TUSC3: variants seen among roughly 807,000 people sequenced by gnomAD.
TUSC3 encodes tumor suppressor candidate 3.
In TUSC3, 45 loss-of-function variants were observed where a neutral mutation model predicts 44.8. That is an observed-to-expected ratio of 1.00 (90% CI 0.79 to 1.29). The LOEUF is 1.29. TUSC3 is among the 50% of genes most tolerant of loss of function. The probability of loss-of-function intolerance (pLI) is 0.00; values close to 1 mark genes in which losing one functional copy is unlikely to be tolerated. For synonymous variants in TUSC3, 212 were observed against 152.9 expected (o/e 1.39, Z -2.85); for missense variants, 519 against 437.9 (o/e 1.19, Z -1.65).
chr8:15,806,210 A>G, the TUSC3 span: 4 of 513,350 alleles, frequency 7.8e-6, no homozygotes, highest in Admixed American at 1.1e-4. Context: ...TCCGTCTTTT[A>G]TAAATGGCTT....
At chr8:15,605,763 G>A (rs1434990098) in intron 1 of TUSC3, among the ~76,000 whole-genome samples, 1 of 151,938 alleles carries the variant, frequency 6.6e-6, no homozygotes, top group African/African-American at 2.4e-5. Flanking sequence ...AATCACACAT[G>A]ACACCACTTG....
intron 2 of TUSC3, among the ~76,000 whole-genome samples, chr8:15,515,140 G>A (rs550344435): frequency 6.6e-6 from 1 of 152,086 alleles, no homozygotes; most frequent in African/African-American, 2.4e-5. Context: ...ATCAGAAAAT[G>A]GGAGTCTTCT....
At chr8:15,503,772 G>T (rs1266475464) in intron 2 of TUSC3, among the ~76,000 whole-genome samples, 2 of 152,028 alleles carry the variant, frequency 1.3e-5, no homozygotes, top group African/African-American at 4.8e-5. Context: ...GGATCCTGAG[G>T]CGGGTGAATC....
chr8:15,594,990 C>T (rs546259477), intron 1 of TUSC3, among the ~76,000 whole-genome samples: 35 of 152,160 alleles, frequency 2.3e-4, no homozygotes, highest in Admixed American at 1.1e-3. Flanking sequence ...TTTTATACTT[C>T]GGGGCAATAT....
chr8:15,767,746 G>T (rs974496554), downstream of TUSC3, among the ~76,000 whole-genome samples: 2 of 152,098 alleles, frequency 1.3e-5, no homozygotes, highest in South Asian at 4.1e-4. Context: ...TAACTCAGAA[G>T]TCTCTCAGGT....
chr8:15,793,143 G>A, the TUSC3 span, among the ~76,000 whole-genome samples: 1 of 152,036 alleles, frequency 6.6e-6, no homozygotes, highest in Non-Finnish European at 1.5e-5. Context: ...GCACTAGATT[G>A]TTTGCTCTGT....
chr8:15,821,319 A>G, the TUSC3 span, among the ~76,000 whole-genome samples: 5 of 143,846 alleles, frequency 3.5e-5, no homozygotes, highest in Non-Finnish European at 3.0e-5. Context: ...AGATTATTTT[A>G]TCTCTGGATT....
the TUSC3 span, among the ~76,000 whole-genome samples, chr8:15,839,333 A>G: frequency 2.6e-5 from 4 of 152,096 alleles, no homozygotes; most frequent in African/African-American, 9.7e-5. Context: ...CTCTTTTCCT[A>G]ATGGAATACC....
chr8:15,716,820 T>TC, intron 6 of TUSC3, among the ~76,000 whole-genome samples: 1 of 152,244 alleles, frequency 6.6e-6, no homozygotes, highest in South Asian at 2.1e-4. Flanking sequence ...CATCACTTTT[T>TC]CTCTACTATT....
At chr8:15,622,302 T>C (rs1805285485) in intron 1 of TUSC3, among the ~76,000 whole-genome samples, 4 of 152,044 alleles carry the variant, frequency 2.6e-5, no homozygotes. Context: ...CCTTCCTTTC[T>C]TTCTTTTTTT....
chr8:15,578,757 G>C (rs557792905), intron 1 of TUSC3, among the ~76,000 whole-genome samples: 1 of 152,206 alleles, frequency 6.6e-6, no homozygotes, highest in Admixed American at 6.5e-5. Flanking sequence ...GTTCATCAAG[G>C]ATATTGGTCT....
intron 1 of TUSC3, among the ~76,000 whole-genome samples, chr8:15,599,201 T>C (rs1296703284): frequency 6.6e-6 from 1 of 151,928 alleles, no homozygotes; most frequent in Non-Finnish European, 1.5e-5. Flanking sequence ...GATCTTTTTA[T>C]GTGCTAGTTT....
chr8:15,689,863 T>TGTGTGTGTGTGTGTGTAA (rs1554475557), intron 6 of TUSC3, among the ~76,000 whole-genome samples: 1 of 14,784 alleles, frequency 6.8e-5, no homozygotes, highest in African/African-American at 1.1e-4. Context: ...TGTGTGTGTG[T>TGTGTGTGTGTGTGTGTAA]ATAAATATAT....
intron 1 of TUSC3, among the ~76,000 whole-genome samples, chr8:15,568,797 A>G (rs2129142528): frequency 6.6e-6 from 1 of 152,038 alleles, no homozygotes; most frequent in Admixed American, 6.5e-5. Flanking sequence ...GTAAATTCTT[A>G]TTGGTATATT....
intron 7 of TUSC3, among the ~76,000 whole-genome samples, chr8:15,741,970 A>G (rs955103030): frequency 2.6e-5 from 4 of 152,260 alleles, no homozygotes; most frequent in Admixed American, 2.6e-4. Context: ...TCATGTTGTT[A>G]TTAACAATGT....
At chr8:15,465,902 ACTTAGCGGTC>A (rs1800407079) in intron 1 of TUSC3, among the ~76,000 whole-genome samples, 2 of 152,172 alleles carry the variant, frequency 1.3e-5, no homozygotes, top group Non-Finnish European at 2.9e-5. Context: ...GTCACAATCA[ACTTAGCGGTC>A]CCTAGTTCAT....
chr8:15,752,672 C>T (rs914569432), intron 9 of TUSC3, among the ~76,000 whole-genome samples: 2 of 152,066 alleles, frequency 1.3e-5, no homozygotes, highest in East Asian at 1.9e-4. Flanking sequence ...AAATCTGACT[C>T]TGCTTACTTG....
rs146546373 is a variant in TUSC3, at chr8:15,500,278, G to T, written n.189+16795G>T. Among the ~76,000 whole-genome samples, 323 of 152,250 alleles carry T rather than the reference G, an allele frequency of 2.1e-3. 1 individual carries two copies. The highest frequency in any genetic ancestry group is 7.5e-3 in the African/African-American group (310 of 41,560). On this transcript the variant is annotated intron_variant and non_coding_transcript_variant, in intron 2 of 5. Transcript: ENST00000503191. ...CTTGACAGAAGTTAGTAGATCAAAG[G>T]AAATCAGTTTTGTTTTGTTCCGTAT...
At chr8:15,495,209 G>A (rs961271950) in intron 2 of TUSC3, among the ~76,000 whole-genome samples, 1 of 152,022 alleles carries the variant, frequency 6.6e-6, no homozygotes, top group African/African-American at 2.4e-5. Context: ...AATAAAGAGT[G>A]GCCTCAATTT....
Sources: allele counts gnomAD v4.1 joint callset (sites outside exome capture counted in the v4.1 genomes callset), GRCh38; gene constraint gnomAD v4.1.1; transcripts MANE v1.5; gene names NCBI Gene and HGNC (gene_info 2026-07-23, HGNC 2026-07-21).